Variants in CECR2 observed in about 807,000 individuals in gnomAD.
CECR2 encodes CECR2 histone acetyl-lysine reader.
A neutral mutation model predicts 154.5 loss-of-function variants in CECR2; 30 were observed. That is an observed-to-expected ratio of 0.19 (90% confidence interval 0.15 to 0.26). The LOEUF is 0.26. Among genes scored for constraint, CECR2 ranks in the 10% least tolerant of loss-of-function variants. The pLI, the probability that CECR2 is intolerant of heterozygous loss-of-function variation, is 1.00. For synonymous variants in CECR2, 725 were observed against 683.7 expected (o/e 1.06, Z -0.94); for missense variants, 1,743 against 1,829.3 (o/e 0.95, Z 0.86).
intron 1 of CECR2, among the ~76,000 whole-genome samples, chr22:17,421,970 T>C (rs957372852): frequency 1.3e-5 from 2 of 152,118 alleles, no homozygotes; most frequent in Non-Finnish European, 2.9e-5. Context: ...AAGGATTCTT[T>C]GTCAGGGTAC....
At chr22:17,498,034 T>G (rs946316894) in intron 3 of CECR2, among the ~76,000 whole-genome samples, 4 of 152,194 alleles carry the variant, frequency 2.6e-5, no homozygotes, top group African/African-American at 9.6e-5. Context: ...TTACAAAAAA[T>G]GTGTTGAAGG....
At chr22:17,376,753 C>T (rs888066839) in intron 1 of CECR2, among the ~76,000 whole-genome samples, 1 of 151,886 alleles carries the variant, frequency 6.6e-6, no homozygotes, top group African/African-American at 2.4e-5. Context: ...ATTCTCCTGC[C>T]TCAGCCTCCC....
rs1485041858 is a variant in CECR2, at chr22:17,548,462, G to C, written c.3175G>C (p.Gly1059Arg). 1 of 1,613,882 alleles carries C rather than the reference G, an allele frequency of 6.2e-7. No individual in the cohort carries two copies. Among genetic ancestry groups the C allele is most frequent in the Non-Finnish European group, 8.5e-7 (1 of 1,179,898 alleles). The change falls in exon 17 of 19, where the codon GGG (glycine) becomes CGG (arginine). Residue 1059 changes from glycine to arginine, a missense_variant. Around this residue, in one of 4 missense-constraint regions of CECR2, gnomAD observed 1,250 missense variants for 1,192.1 expected, o/e 1.05. Transcript: ENST00000262608. ...CGCTCTATCCGAGAACGGAGTCATT[G>C]GGGAAGCATCTCCTTGTGGATCGGA... ...RGALSENGVI[G>R]EASPCGSEGK...
chr22:17,439,168 CTTTTTT>C (rs75068959), intron 1 of CECR2, among the ~76,000 whole-genome samples: 1 of 140,398 alleles, frequency 7.1e-6, no homozygotes, highest in Non-Finnish European at 1.6e-5. Context: ...GAAACACTCC[CTTTTTT>C]TTTTTTTTGG....
intron 2 of CECR2, among the ~76,000 whole-genome samples, chr22:17,479,779 T>C (rs2055274737): frequency 6.6e-6 from 1 of 150,928 alleles, no homozygotes; most frequent in East Asian, 1.9e-4. Context: ...TTTTTTTTTT[T>C]TTTTTTGGGA....
In CECR2 at chr22:17,404,529, A is replaced by T. The variant is rs545667227; in HGVS notation, c.126+34620A>T. Reference sequence around the variant, plus strand: ...GCTGGGACTACAGGCGCCCGCCACTACGCCCGGCTAATTTTTTGTATTTTT... The same window carrying T: ...GCTGGGACTACAGGCGCCCGCCACTTCGCCCGGCTAATTTTTTGTATTTTT... On this transcript the variant is annotated intron_variant, in intron 1 of 18. Transcript: ENST00000262608. 3.4e-4 allele frequency among the ~76,000 whole-genome samples: 48 copies of T among 139,630 alleles called. 2 individuals are homozygous for T. The highest frequency in any genetic ancestry group is 1.4e-3 in the African/African-American group (48 of 35,554). The allele number at this position is 139,630 out of a possible 152,430, so 91.6% of individuals were successfully genotyped here.
chr22:17,489,271 A>C (rs1292941002), intron 2 of CECR2, among the ~76,000 whole-genome samples: 4 of 152,076 alleles, frequency 2.6e-5, no homozygotes, highest in African/African-American at 4.8e-5. Flanking sequence ...GCTGTTTTTA[A>C]TTTTACTAAT....
At position 17,549,258 on chromosome 22, in the gene CECR2, C is replaced by T. The variant is rs2056667396; in HGVS notation, c.3971C>T (p.Pro1324Leu). ...GAGTATCTCTATGGAACTCCTCCGCCTCTGAGTTCAGGAATGGGATTTGGT... is the reference window on the plus strand; with the variant it reads ...GAGTATCTCTATGGAACTCCTCCGCTTCTGAGTTCAGGAATGGGATTTGGT... The part of the protein sequence containing the change: ...ASEYLYGTPP[P>L]LSSGMGFGSS... The change falls in exon 17 of 19, where the codon CCT (proline) becomes CTT (leucine). Residue 1324 changes from proline (P) to leucine (L), a missense_variant. Around this residue, in one of 4 missense-constraint regions of CECR2, gnomAD observed 1,250 missense variants for 1,192.1 expected, o/e 1.05. Transcript: ENST00000262608. 1 of 1,613,924 alleles carries T rather than the reference C, an allele frequency of 6.2e-7. No homozygotes were observed. The highest frequency in any genetic ancestry group is 8.5e-7 in the Non-Finnish European group (1 of 1,179,916).
chr22:17,363,269 C>T (rs2062986107), intron 1 of CECR2, among the ~76,000 whole-genome samples: 1 of 151,434 alleles, frequency 6.6e-6, no homozygotes, highest in Non-Finnish European at 1.5e-5. Flanking sequence ...AGTGCAGTGG[C>T]GCGATCACAG....
At chr22:17,420,817 TTAAA>T (rs1187712287) in intron 1 of CECR2, among the ~76,000 whole-genome samples, 1 of 152,198 alleles carries the variant, frequency 6.6e-6, no homozygotes, top group Non-Finnish European at 1.5e-5. Flanking sequence ...ACTTATTATC[TTAAA>T]TAAACTCTTA....
intron 1 of CECR2, among the ~76,000 whole-genome samples, chr22:17,389,343 C>T (rs1265878570): frequency 1.4e-5 from 2 of 146,064 alleles, no homozygotes; most frequent in African/African-American, 4.9e-5. Context: ...TGTCTCCCAA[C>T]TGCCTGCCTG....
At chr22:17,551,896 T>C in intron 17 of CECR2, 135 bp from the exon 18 acceptor site, 1 of 758,408 alleles carries the variant, frequency 1.3e-6, no homozygotes, top group Non-Finnish European at 2.2e-6. Flanking sequence ...GAATGTCGAG[T>C]TGTCCCAGTA....
At chr22:17,549,924 C>A (rs2056683153) in intron 17 of CECR2, among the ~76,000 whole-genome samples, 1 of 151,258 alleles carries the variant, frequency 6.6e-6, no homozygotes, top group Non-Finnish European at 1.5e-5. Context: ...GCACACCTGG[C>A]CTGGATGTTC....
chr22:17,479,508 A>C (rs1269394644), intron 2 of CECR2, among the ~76,000 whole-genome samples: 4 of 152,348 alleles, frequency 2.6e-5, no homozygotes, highest in East Asian at 1.9e-4. Flanking sequence ...GGGGTAAGAA[A>C]GTGACTTGTG....
chr22:17,502,567 G>C (rs1482934783), intron 5 of CECR2, among the ~76,000 whole-genome samples: 1 of 152,192 alleles, frequency 6.6e-6, no homozygotes, highest in Non-Finnish European at 1.5e-5. Context: ...ACTTTGGGAG[G>C]CCAAGGCAGG....
chr22:17,383,268 G>A (rs1364758601), intron 1 of CECR2, among the ~76,000 whole-genome samples: 3 of 152,078 alleles, frequency 2.0e-5, no homozygotes, highest in Non-Finnish European at 4.4e-5. Context: ...AGCCTTCAAC[G>A]AGTCATAGTC....
intron 1 of CECR2, among the ~76,000 whole-genome samples, chr22:17,425,696 A>G (rs2054319288): frequency 6.6e-6 from 1 of 151,890 alleles, no homozygotes; most frequent in Non-Finnish European, 1.5e-5. Context: ...AGACAGTGGA[A>G]ACTATTTTGA....
At chr22:17,541,759 T>C in intron 14 of CECR2, 80 bp from the exon 15 acceptor site, 2 of 1,495,698 alleles carry the variant, frequency 1.3e-6, no homozygotes, top group Non-Finnish European at 9.0e-7. Flanking sequence ...AGAACGTTCA[T>C]CTTCAGGAAA....
intron 1 of CECR2, among the ~76,000 whole-genome samples, chr22:17,451,570 C>T (rs989745381): frequency 2.6e-5 from 4 of 152,142 alleles, no homozygotes; most frequent in African/African-American, 4.8e-5. Context: ...GGGGCTTGCT[C>T]CATTCCAACC....
Sources: gnomAD v4.1 joint callset for allele counts (sites outside exome capture counted in the v4.1 genomes callset) on GRCh38, gnomAD v4.1.1 for gene constraint, gnomAD v4.1.1 regional missense constraint, MANE v1.5 for transcripts, NCBI Gene and HGNC (gene_info 2026-07-23, HGNC 2026-07-21) for gene names.